GABRA2: variants seen among roughly 807,000 people sequenced by gnomAD.
GABRA2 encodes gamma-aminobutyric acid receptor subunit alpha-2.
In GABRA2, 16 loss-of-function variants were observed where a neutral mutation model predicts 48.7. The ratio of observed to expected loss-of-function variants is 0.33; its 90% CI spans 0.22 to 0.50. The LOEUF (loss-of-function observed/expected upper bound fraction) is 0.50. Ranked by LOEUF, GABRA2 falls within the 20% of genes least tolerant of loss-of-function variation. GABRA2 has a pLI of 0.98. For missense variants in GABRA2, 275 were observed against 535.6 expected (o/e 0.51, Z 4.80); for synonymous variants, 185 against 184.5 (o/e 1.00, Z -0.02).
At chr4:46,297,032 A>T (rs143384497) in intron 8 of GABRA2, among the ~76,000 whole-genome samples, 12 of 152,178 alleles carry the variant, frequency 7.9e-5, no homozygotes, top group African/African-American at 2.4e-4. Context: ...TTATTTGAAG[A>T]CTATGTATGA....
intron 3 of GABRA2, among the ~76,000 whole-genome samples, chr4:46,347,200 T>A (rs1422064930): frequency 6.6e-6 from 1 of 151,966 alleles, no homozygotes; most frequent in African/African-American, 2.4e-5. Flanking sequence ...GCAATTCCTA[T>A]CAAATTTCTA....
chr4:46,385,197 A>G (rs1251305558), intron 3 of GABRA2, among the ~76,000 whole-genome samples: 1 of 151,408 alleles, frequency 6.6e-6, no homozygotes, highest in Non-Finnish European at 1.5e-5. Flanking sequence ...GCAACTTAGC[A>G]TTGCAAAGTC....
intron 3 of GABRA2, among the ~76,000 whole-genome samples, chr4:46,360,848 TG>T (rs1713062077): frequency 6.6e-6 from 1 of 152,188 alleles, no homozygotes; most frequent in Non-Finnish European, 1.5e-5. Flanking sequence ...AGGAACTTGT[TG>T]GGAACTGGAG....
At chr4:46,306,511 A>G (rs921196073) in intron 6 of GABRA2, among the ~76,000 whole-genome samples, 2 of 152,178 alleles carry the variant, frequency 1.3e-5, no homozygotes, top group Non-Finnish European at 2.9e-5. Context: ...TTACATCTCT[A>G]TGCCCCACTG....
chr4:46,252,590 C>T (rs1045496899), intron 9 of GABRA2, among the ~76,000 whole-genome samples: 1 of 151,464 alleles, frequency 6.6e-6, no homozygotes, highest in African/African-American at 2.4e-5. Flanking sequence ...TAAACCTCTG[C>T]TTTTAAACAC....
At chr4:46,378,279 T>C (rs1323123287) in intron 3 of GABRA2, among the ~76,000 whole-genome samples, 1 of 152,012 alleles carries the variant, frequency 6.6e-6, no homozygotes, top group Non-Finnish European at 1.5e-5. Flanking sequence ...TAGAAAGAGG[T>C]AGACGTGGGA....
intron 3 of GABRA2, among the ~76,000 whole-genome samples, chr4:46,375,300 G>A (rs542332428): frequency 1.2e-4 from 18 of 152,266 alleles, no homozygotes; most frequent in African/African-American, 4.3e-4. Context: ...CTCATGGGAT[G>A]AGGGTATTTT....
intron 3 of GABRA2, among the ~76,000 whole-genome samples, chr4:46,345,913 C>A (rs1360048064): frequency 1.3e-5 from 2 of 151,932 alleles, no homozygotes; most frequent in Non-Finnish European, 1.5e-5. Flanking sequence ...ACAGTGATAT[C>A]AGTAAAGACA....
intron 3 of GABRA2, among the ~76,000 whole-genome samples, chr4:46,370,564 C>G (rs1402259062): frequency 6.6e-6 from 1 of 152,106 alleles, no homozygotes; most frequent in East Asian, 1.9e-4. Flanking sequence ...ACATAAACAG[C>G]TGAGAAATAT....
intron 9 of GABRA2, among the ~76,000 whole-genome samples, chr4:46,252,651 C>A (rs1035195463): frequency 6.6e-5 from 10 of 151,342 alleles, no homozygotes; most frequent in African/African-American, 2.4e-4. Context: ...ATGGAGTATG[C>A]TTTTTCCTAA....
rs200053930 is a variant in GABRA2 at position 46,305,695 on chromosome 4, T to C, written c.576A>G (p.Ser192=). 5.8e-5 allele frequency: 93 copies of C among 1,611,460 alleles called. No individual in the cohort carries two copies. Among genetic ancestry groups the C allele is most frequent in the Non-Finnish European group, 7.9e-5 (93 of 1,178,058 alleles). ...TGTAAGTCCAAATATAAGTGACCTC[T>C]GAAGTTGTATATGCATCTATAGGAA... ...LKFGSYAYTT[S]EVTYIWTYNA... Residue 192 remains serine, a synonymous_variant, in exon 7 of 10, where the codon TCA becomes TCG. Transcript: ENST00000381620.
chr4:46,333,337 A>G (rs1339292729), intron 3 of GABRA2, among the ~76,000 whole-genome samples: 2 of 152,128 alleles, frequency 1.3e-5, no homozygotes, highest in African/African-American at 4.8e-5. Flanking sequence ...CTGTAATACA[A>G]TTAACTGGAT....
rs1474064902 is a variant in GABRA2, at chr4:46,264,925, T to C, written c.857-2797A>G. 2.7e-5 allele frequency among the ~76,000 whole-genome samples: 4 copies of C among 147,772 alleles called. No homozygotes were observed. In the Admixed American group the frequency reaches 2.8e-4, roughly 10 times the overall value. On this transcript the variant is annotated intron_variant, in intron 8 of 9. Transcript: ENST00000381620. ...CATGTGTAGTAGTTTCTAGGAATTG[T>C]TATAGTTAATCTAGATCATCTAAAT...
chr4:46,271,493 A>T (rs1429692372), intron 8 of GABRA2, among the ~76,000 whole-genome samples: 1 of 151,984 alleles, frequency 6.6e-6, no homozygotes, highest in East Asian at 1.9e-4. Flanking sequence ...ATACAACCTC[A>T]GCATACTGTA....
intron 7 of GABRA2, among the ~76,000 whole-genome samples, chr4:46,304,757 G>A (rs1036158704): frequency 2.6e-5 from 4 of 151,472 alleles, no homozygotes; most frequent in East Asian, 3.9e-4. Flanking sequence ...GTGAAACCCC[G>A]TCTCTACTAA....
intron 3 of GABRA2, among the ~76,000 whole-genome samples, chr4:46,380,511 A>G (rs938616172): frequency 6.6e-6 from 1 of 152,212 alleles, no homozygotes; most frequent in African/African-American, 2.4e-5. Context: ...TTCTACATGT[A>G]TTGAGTTCTT....
intron 5 of GABRA2, among the ~76,000 whole-genome samples, chr4:46,310,737 A>G (rs1344433614): frequency 6.6e-6 from 1 of 152,234 alleles, no homozygotes; most frequent in Non-Finnish European, 1.5e-5. Context: ...ATATATTCAC[A>G]GCTATACATA....
intron 8 of GABRA2, among the ~76,000 whole-genome samples, chr4:46,264,470 A>C (rs1209452477): frequency 6.6e-6 from 1 of 151,884 alleles, no homozygotes; most frequent in African/African-American, 2.4e-5. Context: ...TTCCATAAAT[A>C]TGTTGTATTA....
rs139641214 is a variant in GABRA2 at position 46,351,275 on chromosome 4, A to G, written c.188-18593T>C. Among the ~76,000 whole-genome samples, 358 of 152,142 alleles carry G rather than the reference A, an allele frequency of 2.4e-3. 4 individuals are homozygous for G. The highest frequency in any genetic ancestry group is 8.4e-3 in the African/African-American group (351 of 41,548). On this transcript the variant is annotated intron_variant, in intron 3 of 9. Coordinates refer to ENST00000381620, the MANE Select transcript of GABRA2 (RefSeq NM_000807.4). ...CAAAGTGAGTGCAGAAATTCATAGA[A>G]GAAATTTAACAAAGAAATTCACTAG...
Sources: allele counts gnomAD v4.1 joint callset (sites outside exome capture counted in the v4.1 genomes callset), GRCh38; gene constraint gnomAD v4.1.1; transcripts MANE v1.5; gene names NCBI Gene and HGNC (gene_info 2026-07-23, HGNC 2026-07-21).